KCNH8: variants seen among roughly 807,000 people sequenced by gnomAD.
The protein encoded by KCNH8 is potassium voltage-gated channel subfamily H member 8, also known as voltage-gated delayed rectifier potassium channel KCNH8.
A neutral mutation model predicts 103.6 loss-of-function variants in KCNH8; 70 were observed. The ratio of observed to expected loss-of-function variants is 0.68; its 90% CI spans 0.56 to 0.82. The LOEUF (loss-of-function observed/expected upper bound fraction) is 0.82. KCNH8 is among the 40% of genes least tolerant of loss of function. The probability of loss-of-function intolerance (pLI) is 0.00; values close to 1 mark genes in which losing one functional copy is unlikely to be tolerated. For missense variants in KCNH8, 1,217 were observed against 1,329.9 expected, an observed-to-expected ratio of 0.92 and a Z score of 1.32; for synonymous variants, 498 against 489.4, an observed-to-expected ratio of 1.02 and a Z score of -0.23.
intron 5 of KCNH8, among the ~76,000 whole-genome samples, chr3:19,358,382 A>C (rs371428774): frequency 7.3e-5 from 11 of 151,694 alleles, no homozygotes; most frequent in East Asian, 3.9e-4. Flanking sequence ...GTACACAATG[A>C]AGATATTTTC....
chr3:19,244,685 CGTT>C (rs1265577101), intron 1 of KCNH8, among the ~76,000 whole-genome samples: 8 of 152,060 alleles, frequency 5.3e-5, no homozygotes, highest in African/African-American at 1.7e-4. Flanking sequence ...GATGGTATCT[CGTT>C]GTGGGTTTTG....
At chr3:19,533,136 G>A (rs1246726713) in intron 15 of KCNH8, among the ~76,000 whole-genome samples, 1 of 151,230 alleles carries the variant, frequency 6.6e-6, no homozygotes, top group Admixed American at 6.6e-5. Context: ...CCTGGGAGGT[G>A]GAGCTTGCAG....
At chr3:19,184,017 A>G (rs984185649) in intron 1 of KCNH8, among the ~76,000 whole-genome samples, 3 of 152,050 alleles carry the variant, frequency 2.0e-5, no homozygotes, top group Non-Finnish European at 2.9e-5. Context: ...TGGGAGAGCA[A>G]TTTGTCAAGT....
At position 19,201,861 on chromosome 3, in the gene KCNH8, G is replaced by A. The variant is rs1026554642; in HGVS notation, c.77-51793G>A. On this transcript the variant is annotated intron_variant, in intron 1 of 15. Coordinates refer to ENST00000328405, the MANE Select transcript of KCNH8 (RefSeq NM_144633.3). ...TTATTAATACTTATGTTATTACTCG[G>A]GAGATAAGTTGATGGCTTTCACATT... 5.9e-5 allele frequency among the ~76,000 whole-genome samples: 9 copies of A among 151,944 alleles called. No homozygotes were observed. In the South Asian group the frequency reaches 1.7e-3, roughly 28 times the overall value.
chr3:19,513,324 A>G lies in KCNH8; in HGVS notation c.2434A>G (p.Arg812Gly). ...TGCTGGACCCCCAGACCTCAGTCCA[A>G]GGTAAGAGTTCATATCATATAACTT... ...NNAGPPDLSP[R>G]IVDGIEDGNS... The change falls in exon 13 of 16, where the codon AGG (arginine) becomes GGG (glycine). Residue 812 changes from arginine (R) to glycine (G), a missense_variant and splice_region_variant. Coordinates refer to ENST00000328405, the MANE Select transcript of KCNH8 (RefSeq NM_144633.3). 1 of 1,586,232 alleles carries G rather than the reference A, an allele frequency of 6.3e-7. No homozygotes were observed. Among genetic ancestry groups the G allele is most frequent in the Non-Finnish European group, 8.6e-7 (1 of 1,168,586 alleles).
Position 19,438,221 on chromosome 3 carries a change from TGGG to T in KCNH8, c.1239_1241del (p.Gly414del). On this transcript the variant is annotated inframe_deletion, in exon 8 of 16. Transcript: ENST00000328405. ...TCTCCATACTATGGCAACAATACCT[TGGG>T]GGGCCCGTCGATCCGAAGTGCCTAT... 3.1e-6 allele frequency: 5 copies of T among 1,614,040 alleles called. No homozygotes were observed. Among genetic ancestry groups the T allele is most frequent in the Non-Finnish European group, 4.2e-6 (5 of 1,179,992 alleles).
chr3:19,477,779 A>C (rs1380199850), intron 11 of KCNH8, among the ~76,000 whole-genome samples: 1 of 152,168 alleles, frequency 6.6e-6, no homozygotes, highest in East Asian at 1.9e-4. Context: ...AAATCTATTT[A>C]TTTATTATTT....
intron 5 of KCNH8, among the ~76,000 whole-genome samples, chr3:19,371,007 T>C (rs906284852): frequency 2.3e-4 from 35 of 152,226 alleles, no homozygotes; most frequent in African/African-American, 6.0e-4. Context: ...TCCAGTCTAT[T>C]ACTGTTGGAC....
At position 19,242,585 on chromosome 3, in the gene KCNH8, A is replaced by G. The variant is rs531642743; in HGVS notation, c.77-11069A>G. 3.3e-5 allele frequency among the ~76,000 whole-genome samples: 5 copies of G among 152,306 alleles called. No individual in the cohort carries two copies. In the South Asian group the frequency reaches 1.0e-3, roughly 32 times the overall value. The stretch of plus-strand genomic sequence containing the variant: ...TCCCCCTCTCCCCCTAAACCATAGA[A>G]ATCAATTATATACTTATCTAGAAAG... On this transcript the variant is annotated intron_variant, in intron 1 of 15. Coordinates refer to ENST00000328405, the MANE Select transcript of KCNH8 (RefSeq NM_144633.3).
chr3:19,332,588 T>G (rs558627741), intron 3 of KCNH8, among the ~76,000 whole-genome samples: 1 of 152,292 alleles, frequency 6.6e-6, no homozygotes, highest in East Asian at 1.9e-4. Context: ...GCTTTTTTCT[T>G]CAAGAAATTC....
intron 3 of KCNH8, among the ~76,000 whole-genome samples, chr3:19,340,424 A>C (rs1047313192): frequency 2.0e-5 from 3 of 149,630 alleles, no homozygotes; most frequent in Admixed American, 6.7e-5. Flanking sequence ...TTAGTTACAT[A>C]TGTATACATG....
At chr3:19,299,356 A>G (rs540078917) in intron 3 of KCNH8, among the ~76,000 whole-genome samples, 6 of 152,256 alleles carry the variant, frequency 3.9e-5, no homozygotes, top group Admixed American at 2.6e-4. Context: ...TAAATCAGGA[A>G]CAGTGGCTCC....
At chr3:19,327,339 G>A (rs773875898) in intron 3 of KCNH8, among the ~76,000 whole-genome samples, 3 of 152,162 alleles carry the variant, frequency 2.0e-5, no homozygotes, top group Non-Finnish European at 4.4e-5. Context: ...TCACCCAGAC[G>A]AGTGCAGTGG....
At chr3:19,390,400 C>T in intron 5 of KCNH8, 81 bp from the exon 6 acceptor site, 1 of 1,069,180 alleles carries the variant, frequency 9.4e-7, no homozygotes, top group South Asian at 1.6e-5. Context: ...TTCCTTTCTT[C>T]TTTCTTTCAT....
intron 11 of KCNH8, among the ~76,000 whole-genome samples, chr3:19,464,715 A>G (rs919528506): frequency 8.5e-5 from 13 of 152,156 alleles, no homozygotes; most frequent in African/African-American, 3.1e-4. Context: ...AAATGAGGAA[A>G]ACGATCAGGC....
At chr3:19,303,919 A>T (rs371505889) in intron 3 of KCNH8, among the ~76,000 whole-genome samples, 3 of 152,242 alleles carry the variant, frequency 2.0e-5, no homozygotes, top group Admixed American at 6.5e-5. Context: ...TTGAGGGTGG[A>T]TACAGGGGGA....
At chr3:19,165,179 A>T (rs1354138900) in intron 1 of KCNH8, among the ~76,000 whole-genome samples, 1 of 152,164 alleles carries the variant, frequency 6.6e-6, no homozygotes, top group African/African-American at 2.4e-5. Flanking sequence ...GTTAAAAATG[A>T]TTTCTGGGGT....
intron 3 of KCNH8, among the ~76,000 whole-genome samples, chr3:19,286,381 C>T (rs184727582): frequency 1.6e-3 from 247 of 152,298 alleles, no homozygotes; most frequent in Non-Finnish European, 1.8e-3. Context: ...GAGACACCAG[C>T]GGTGTGAATG....
intron 3 of KCNH8, among the ~76,000 whole-genome samples, chr3:19,336,813 G>A (rs965614116): frequency 2.6e-5 from 4 of 151,928 alleles, no homozygotes; most frequent in Non-Finnish European, 5.9e-5. Context: ...ATGGGAACAA[G>A]TGCTCTGTTT....
Sources: allele counts gnomAD v4.1 joint callset (sites outside exome capture counted in the v4.1 genomes callset), GRCh38; gene constraint gnomAD v4.1.1; transcripts MANE v1.5; gene names NCBI Gene and HGNC (gene_info 2026-07-23, HGNC 2026-07-21).